Variants in IL1RAPL1 observed in about 807,000 individuals in gnomAD.
IL1RAPL1 encodes the protein interleukin 1 receptor accessory protein like 1, also known as interleukin-1 receptor accessory protein-like 1.
Under a neutral mutation model 48.4 loss-of-function variants are expected in IL1RAPL1, and 3 were observed. The observed-to-expected ratio is 0.06, with a 90% CI of 0.03 to 0.16. The LOEUF (loss-of-function observed/expected upper bound fraction) is 0.16. IL1RAPL1 is among the 10% of genes least tolerant of loss of function. The pLI is 1.00. For synonymous variants in IL1RAPL1, 185 were observed against 187.7 expected, an observed-to-expected ratio of 0.99 and a Z score of 0.12; for missense variants, 349 against 530.6, an observed-to-expected ratio of 0.66 and a Z score of 3.36.
chrX:28,946,336 C>A (rs1457162205), intron 2 of IL1RAPL1, among the ~76,000 whole-genome samples: 1 of 84,779 alleles, frequency 1.2e-5, no homozygotes, highest in Non-Finnish European at 2.7e-5. Context: ...TAGGGGAAAG[C>A]AATAGGGGTA....
intron 2 of IL1RAPL1, among the ~76,000 whole-genome samples, chrX:29,079,267 T>A (rs1263146745): frequency 8.9e-6 from 1 of 111,829 alleles, no homozygotes; most frequent in Non-Finnish European, 1.9e-5. Flanking sequence ...ATTCATTAAA[T>A]GAATATTTAT....
chrX:28,643,152 A>G (rs189206158), intron 1 of IL1RAPL1, among the ~76,000 whole-genome samples: 1 of 111,298 alleles, frequency 9.0e-6, no homozygotes, highest in Non-Finnish European at 1.9e-5. Flanking sequence ...GCCTCCCAAA[A>G]TGTTGGAATT....
chrX:29,006,848 T>C (rs1163196606), intron 2 of IL1RAPL1, among the ~76,000 whole-genome samples: 1 of 110,697 alleles, frequency 9.0e-6, no homozygotes, highest in Non-Finnish European at 1.9e-5. Context: ...ATTTATATCA[T>C]TTATATATTT....
intron 5 of IL1RAPL1, among the ~76,000 whole-genome samples, chrX:29,453,498 A>G (rs1602242168): frequency 9.0e-6 from 1 of 111,585 alleles, no homozygotes. Context: ...GAGAACAGCC[A>G]TTACCAATTA....
rs755860221 is a variant in IL1RAPL1 at position 29,493,683 on chromosome X, C to G, written c.703+94375C>G. ...GTAATATGTTTAAAAATCATTTCAA[C>G]TTTTATTTTAGAGTCAGGGGATACA... On this transcript the variant is annotated intron_variant, in intron 5 of 10. Coordinates refer to ENST00000378993, the MANE Select transcript of IL1RAPL1 (RefSeq NM_014271.4). Among the ~76,000 whole-genome samples, 23 of 111,373 alleles carry G rather than the reference C, an allele frequency of 2.1e-4. No individual in the cohort carries two copies. In the South Asian group the frequency reaches 2.7e-3, roughly 13 times the overall value.
intron 5 of IL1RAPL1, among the ~76,000 whole-genome samples, chrX:29,632,440 C>T (rs1924808582): frequency 1.8e-5 from 2 of 111,531 alleles, no homozygotes; most frequent in South Asian, 7.6e-4. Context: ...TGAGCCACCG[C>T]GTCCGGCCTG....
At chrX:29,624,811 C>A (rs1222846430) in intron 5 of IL1RAPL1, among the ~76,000 whole-genome samples, 3 of 111,433 alleles carry the variant, frequency 2.7e-5, no homozygotes, top group Non-Finnish European at 5.6e-5. Flanking sequence ...GCCCCCACTG[C>A]ACTCCAGCCT....
At chrX:29,795,577 A>C (rs1170576272) in intron 6 of IL1RAPL1, among the ~76,000 whole-genome samples, 1 of 111,367 alleles carries the variant, frequency 9.0e-6, no homozygotes, top group Non-Finnish European at 1.9e-5. Flanking sequence ...CACCCAGCTA[A>C]TTTTTGTATT....
intron 5 of IL1RAPL1, among the ~76,000 whole-genome samples, chrX:29,650,896 C>T (rs1335723656): frequency 9.0e-6 from 1 of 110,516 alleles, no homozygotes; most frequent in Admixed American, 9.7e-5. Context: ...GATTAATATA[C>T]AAAATATATA....
chrX:28,794,632 C>T (rs895957655), intron 2 of IL1RAPL1, among the ~76,000 whole-genome samples: 18 of 111,512 alleles, frequency 1.6e-4, no homozygotes, highest in African/African-American at 5.5e-4. Flanking sequence ...CATTCTAGAA[C>T]CTGACAGGGG....
At chrX:29,752,109 C>CATATATATATATATATACACACAT (rs1216932910) in intron 6 of IL1RAPL1, among the ~76,000 whole-genome samples, 1 of 88,697 alleles carries the variant, frequency 1.1e-5, no homozygotes, top group Admixed American at 1.3e-4. Flanking sequence ...TATATACACA[C>CATATATATATATATATACACACAT]ATATATATAT....
chrX:28,974,695 GA>G (rs747687134), intron 2 of IL1RAPL1, among the ~76,000 whole-genome samples: 24 of 111,927 alleles, frequency 2.1e-4, no homozygotes, highest in Admixed American at 1.7e-3. Flanking sequence ...CATGTGCAGG[GA>G]TTAAGAGTCT....
chrX:29,667,194 A>C (rs972376181), intron 5 of IL1RAPL1, among the ~76,000 whole-genome samples: 74 of 112,455 alleles, frequency 6.6e-4, no homozygotes, highest in African/African-American at 2.3e-3. Flanking sequence ...CTATGAACAA[A>C]AGCTATCAAT....
intron 6 of IL1RAPL1, among the ~76,000 whole-genome samples, chrX:29,826,457 A>G (rs1202541278): frequency 8.9e-6 from 1 of 111,945 alleles, no homozygotes; most frequent in Non-Finnish European, 1.9e-5. Context: ...GAGTTGTGCA[A>G]GCATCATCCA....
At chrX:28,768,938 GC>G (rs1936281698) in intron 1 of IL1RAPL1, among the ~76,000 whole-genome samples, 1 of 105,106 alleles carries the variant, frequency 9.5e-6, no homozygotes, top group Admixed American at 1.1e-4. Context: ...TGAGAGGTTA[GC>G]CCTACAAAGT....
chrX:29,293,336 G>T (rs145770104), intron 3 of IL1RAPL1, among the ~76,000 whole-genome samples: 308 of 108,628 alleles, frequency 2.8e-3, no homozygotes, highest in African/African-American at 0.01. Flanking sequence ...AGTGATCATG[G>T]GGTAGTTTCT....
intron 3 of IL1RAPL1, among the ~76,000 whole-genome samples, chrX:29,304,816 G>A (rs1446183796): frequency 8.9e-6 from 1 of 112,513 alleles, no homozygotes; most frequent in Non-Finnish European, 1.9e-5. Flanking sequence ...TCTTGCCCAG[G>A]CTGGAGTGCA....
At chrX:28,662,249 C>A (rs754384867) in intron 1 of IL1RAPL1, among the ~76,000 whole-genome samples, 2 of 110,811 alleles carry the variant, frequency 1.8e-5, no homozygotes, top group South Asian at 7.6e-4. Context: ...CTGAACTTTT[C>A]CCCATAGATC....
At chrX:29,803,092 T>C (rs1430409648) in intron 6 of IL1RAPL1, among the ~76,000 whole-genome samples, 6 of 90,985 alleles carry the variant, frequency 6.6e-5, no homozygotes, top group South Asian at 5.1e-4. Context: ...TGTGTATATG[T>C]ATACATGTAT....
Sources: allele counts gnomAD v4.1 joint callset (sites outside exome capture counted in the v4.1 genomes callset), GRCh38; gene constraint gnomAD v4.1.1; transcripts MANE v1.5; gene names NCBI Gene and HGNC (gene_info 2026-07-23, HGNC 2026-07-21).